The following ERICH1 variants were observed in gnomAD, a reference collection of about 807,000 sequenced individuals.
The protein encoded by ERICH1 is glutamate-rich protein 1.
In ERICH1, 56 loss-of-function variants were observed where a neutral mutation model predicts 39.6. The ratio of observed to expected loss-of-function variants is 1.41; its 90% CI spans 1.14 to 1.77. The LOEUF is 1.77. Ranked by LOEUF, ERICH1 falls within the 40% of genes most tolerant of loss-of-function variation. ERICH1 has a pLI of 0.00. For synonymous variants in ERICH1, 313 were observed against 223.6 expected (o/e 1.40, Z -3.57); for missense variants, 826 against 575.4 (o/e 1.44, Z -4.45).
At position 668,751 on chromosome 8, in the gene ERICH1, C is replaced by G; in HGVS notation, c.1105G>C (p.Ala369Pro). ...DAASAALADA[A>P]EELLDRLASH... ...GCAAGGCGGTCCAGCAGCTCCTCAG[C>G]GGCATCTGCGAGGGCAGCTGAAGCT... is the stretch of plus-strand genomic sequence containing the variant. The change falls in exon 5 of 6, where the codon GCT becomes CCT. Residue 369 changes from alanine (A) to proline (P), a missense_variant. Physicochemically the swap from Ala to Pro is conservative, Grantham distance 27 (BLOSUM62 -1). Coordinates refer to ENST00000262109, the MANE Select transcript of ERICH1 (RefSeq NM_207332.3). 1 of 1,612,844 alleles carries G rather than the reference C, an allele frequency of 6.2e-7. No individual in the cohort carries two copies. Among genetic ancestry groups the G allele is most frequent in the Non-Finnish European group, 8.5e-7 (1 of 1,179,224 alleles).
chr8:620,034 C>T (rs1227142606), intron 3 of ERICH1, among the ~76,000 whole-genome samples: 3 of 152,084 alleles, frequency 2.0e-5, no homozygotes, highest in African/African-American at 4.8e-5. Context: ...AAAAAGTGGG[C>T]CAGGCGTGGT....
Position 654,381 on chromosome 8 carries a change from G to T in ERICH1, c.976+14217C>A, listed in dbSNP as rs558937623. Among the ~76,000 whole-genome samples, 3 of 152,288 alleles carry T rather than the reference G, an allele frequency of 2.0e-5. No homozygotes were observed. In the East Asian group the frequency reaches 5.8e-4, roughly 29 times the overall value. ...CAGAGGCTTGGTAAGAGAAAACCTG[G>T]AGGGACTGGAGGGGCAGAGCTGGGA... is the stretch of plus-strand genomic sequence containing the variant. On this transcript the variant is annotated intron_variant, in intron 3 of 3. Transcript: ENST00000522706.
intron 1 of ERICH1, among the ~76,000 whole-genome samples, chr8:717,686 G>A (rs552693738): frequency 2.6e-5 from 4 of 152,350 alleles, no homozygotes; most frequent in East Asian, 3.9e-4. Flanking sequence ...ACAAGGACAG[G>A]GGCGCTCAGA....
chr8:643,150 A>G (rs966805044), intron 3 of ERICH1, among the ~76,000 whole-genome samples: 5 of 152,122 alleles, frequency 3.3e-5, no homozygotes, highest in African/African-American at 1.2e-4. Context: ...TCTCCCGTCC[A>G]CAGCCGGGGA....
intron 3 of ERICH1, among the ~76,000 whole-genome samples, chr8:651,035 G>C (rs1669721): frequency 0.88 from 134,595 of 152,252 alleles, 59,583 homozygotes; most frequent in South Asian, 0.94. Flanking sequence ...TAGTCTTGCA[G>C]GGGTTCAGTG....
rs1357415697 is a variant in ERICH1 at position 699,937 on chromosome 8, A to G, written c.170-7325T>C. Among the ~76,000 whole-genome samples, 153 of 128,348 alleles carry G rather than the reference A, an allele frequency of 1.2e-3. 1 individual carries two copies. The highest frequency in any genetic ancestry group is 2.4e-3 in the African/African-American group (79 of 32,822). 84.2% of individuals were successfully genotyped at this position (128,348 alleles called of 152,430 possible). A position where few individuals can be genotyped will look rare whatever the true frequency, so the allele number is the denominator to read the frequency against. On this transcript the variant is annotated intron_variant, in intron 2 of 5. Transcript: ENST00000262109. The stretch of plus-strand genomic sequence containing the variant: ...CGCACAGGCCCGCACAGGCGCACAG[A>G]CCCGCACACGCGCACAGGCCCGCAC...
At chr8:681,935 G>A (rs11786107) in intron 3 of ERICH1, among the ~76,000 whole-genome samples, 21,553 of 152,096 alleles carry the variant, frequency 0.14, 1,978 homozygotes, top group East Asian at 0.35. Flanking sequence ...CCTCGGTGAC[G>A]TCTGATCGCC....
intron 3 of ERICH1, among the ~76,000 whole-genome samples, chr8:684,527 G>T (rs562789677): frequency 1.3e-4 from 20 of 152,176 alleles, no homozygotes; most frequent in African/African-American, 4.8e-4. Flanking sequence ...TAACTAAAAC[G>T]CTCATTTACT....
intron 3 of ERICH1, among the ~76,000 whole-genome samples, chr8:678,370 G>C (rs1423072816): frequency 6.6e-6 from 1 of 151,886 alleles, no homozygotes; most frequent in East Asian, 1.9e-4. Flanking sequence ...ACAACGACAT[G>C]CAAATCAGTT....
chr8:658,992 C>CAGTGTGCACTGAGCATCCTGGGGAGGG (rs1801042929), intron 3 of ERICH1, among the ~76,000 whole-genome samples: 1 of 150,876 alleles, frequency 6.6e-6, no homozygotes, highest in African/African-American at 2.4e-5. Context: ...CCCACATCTC[C>CAGTGTGCACTGAGCATCCTGGGGAGGG]GGTGTGCACT....
intron 2 of ERICH1, among the ~76,000 whole-genome samples, chr8:713,964 T>TAC (rs1815352296): frequency 7.0e-6 from 1 of 143,616 alleles, no homozygotes; most frequent in African/African-American, 2.8e-5. Flanking sequence ...GGCGGCCTCT[T>TAC]CTGGCATCTC....
At chr8:681,115 C>T (rs372795741) in intron 3 of ERICH1, among the ~76,000 whole-genome samples, 65 of 152,296 alleles carry the variant, frequency 4.3e-4, no homozygotes, top group Non-Finnish European at 8.1e-4. Context: ...CAGGCTCTGC[C>T]GCACCAGCTT....
intron 3 of ERICH1, among the ~76,000 whole-genome samples, chr8:649,533 A>C (rs1013032888): frequency 6.6e-6 from 1 of 151,860 alleles, no homozygotes; most frequent in African/African-American, 2.4e-5. Context: ...CCCGGGGGGA[A>C]GATCCACAGG....
At chr8:614,998 C>T in exon 4 of ERICH1, 1 of 414,356 alleles carries the variant, frequency 2.4e-6, no homozygotes, top group Non-Finnish European at 4.2e-6. Context: ...GTCAAAAGGA[C>T]TTGGGCACTG....
At chr8:624,524 C>A (rs1009357506) in intron 3 of ERICH1, among the ~76,000 whole-genome samples, 1 of 152,146 alleles carries the variant, frequency 6.6e-6, no homozygotes, top group East Asian at 1.9e-4. Context: ...CTACCTAAGA[C>A]TGGGTAATTT....
chr8:692,696 T>C, intron 2 of ERICH1, 84 bp from the exon 3 acceptor site: 1 of 1,378,092 alleles, frequency 7.3e-7, no homozygotes, highest in Non-Finnish European at 9.6e-7. Context: ...TCGGCATTGT[T>C]TCTCTAAATT....
intron 1 of ERICH1, among the ~76,000 whole-genome samples, chr8:717,968 A>G (rs1412448150): frequency 1.3e-5 from 2 of 152,266 alleles, no homozygotes; most frequent in African/African-American, 4.8e-5. Context: ...GAGTTTTCTG[A>G]AACAAGGCAG....
intron 3 of ERICH1, chr8:626,533 CAG>C (rs1797602018): frequency 6.5e-6 from 1 of 155,032 alleles, no homozygotes; most frequent in African/African-American, 2.4e-5. Context: ...GAGCACCAGA[CAG>C]AGCTCCCCGG....
At chr8:662,813 C>T (rs769112997), downstream of ERICH1, among the ~76,000 whole-genome samples, 6 of 151,906 alleles carry the variant, frequency 3.9e-5, no homozygotes, top group South Asian at 2.1e-4. Flanking sequence ...GTGGGAAGAG[C>T]GGCTCCTGGC....
Sources: gnomAD v4.1 joint callset for allele counts (sites outside exome capture counted in the v4.1 genomes callset) on GRCh38, gnomAD v4.1.1 for gene constraint, MANE v1.5 for transcripts, NCBI Gene and HGNC (gene_info 2026-07-23, HGNC 2026-07-21) for gene names.